SLC39A14: variants seen among roughly 807,000 people sequenced by gnomAD.
The protein encoded by SLC39A14 is metal cation symporter ZIP14.
SLC39A14 carries 19 observed loss-of-function variants against 45.5 expected under a neutral mutation model. The observed-to-expected ratio is 0.42, with a 90% CI of 0.29 to 0.61. SLC39A14 has a LOEUF of 0.61. Ranked by LOEUF, SLC39A14 falls within the 20% of genes least tolerant of loss-of-function variation. The probability of loss-of-function intolerance (pLI) is 0.22; values close to 1 mark genes in which losing one functional copy is unlikely to be tolerated. For missense variants in SLC39A14, 447 were observed against 616.5 expected (o/e 0.73, Z 2.91); for synonymous variants, 264 against 251.3 (o/e 1.05, Z -0.48).
chr8:22,423,106 G>A (rs1046822438), downstream of SLC39A14, among the ~76,000 whole-genome samples: 1 of 151,980 alleles, frequency 6.6e-6, no homozygotes, highest in Non-Finnish European at 1.5e-5. Flanking sequence ...TTACAGGCTT[G>A]AGTCATTGTG....
At chr8:22,411,789 C>G (rs1835584549) in intron 3 of SLC39A14, 1 of 459,872 alleles carries the variant, frequency 2.2e-6, no homozygotes, top group African/African-American at 2.0e-5. Context: ...TTGAATTCCT[C>G]TTTCTTCTGA....
intron 1 of SLC39A14, among the ~76,000 whole-genome samples, chr8:22,387,762 G>A (rs569445713): frequency 6.6e-6 from 1 of 152,298 alleles, no homozygotes; most frequent in African/African-American, 2.4e-5. Context: ...CCCTGGGCCA[G>A]GTTCCTCCTG....
intron 1 of SLC39A14, among the ~76,000 whole-genome samples, chr8:22,392,523 T>C (rs1034840406): frequency 6.6e-6 from 1 of 152,196 alleles, no homozygotes; most frequent in African/African-American, 2.4e-5. Flanking sequence ...CCGCGTTTCC[T>C]AAGCCACATG....
At position 22,404,954 on chromosome 8, in the gene SLC39A14, G is replaced by A. The variant is rs150377639; in HGVS notation, c.244G>A (p.Val82Met). 6.9e-5 allele frequency: 112 copies of A among 1,614,082 alleles called. No homozygotes were observed. The African/African-American group carries it at 1.0e-3, about 15-fold the overall frequency. The change falls in exon 2 of 9, where the codon GTG (valine) becomes ATG (methionine). Residue 82 changes from valine to methionine, a missense_variant. Around this residue, in one of 2 missense-constraint regions of SLC39A14, gnomAD observed 342 missense variants for 428.1 expected, o/e 0.80. Coordinates refer to ENST00000381237, the MANE Select transcript of SLC39A14 (RefSeq NM_001128431.4). ...GVGRGNVTQH[V>M]QGHRNLSTCF... is the part of the protein sequence containing the mutation. ...GGGCCGGGGTAATGTCACCCAGCAC[G>A]TGCAAGGACACAGGAACCTCTCCAC...
chr8:22,381,893 C>T (rs1244261397), intron 1 of SLC39A14, among the ~76,000 whole-genome samples: 2 of 152,260 alleles, frequency 1.3e-5, no homozygotes, highest in Non-Finnish European at 2.9e-5. Flanking sequence ...GTAATCCCCT[C>T]ACTTTGGGAG....
At chr8:22,429,845 C>G (rs191875274) in intron 8 of SLC39A14, among the ~76,000 whole-genome samples, 6 of 152,124 alleles carry the variant, frequency 3.9e-5, no homozygotes, top group Non-Finnish European at 5.9e-5. Context: ...TAAATTAACA[C>G]GGGGGAGTGA....
At chr8:22,425,889 G>GTTTTTTTTTTTTTT (rs549782856), downstream of SLC39A14, among the ~76,000 whole-genome samples, 1 of 76,306 alleles carries the variant, frequency 1.3e-5, no homozygotes, top group Non-Finnish European at 3.1e-5. Flanking sequence ...GATGGTTTTT[G>GTTTTTTTTTTTTTT]TTTTTTTTTT....
At chr8:22,399,013 C>G (rs1462124192) in intron 1 of SLC39A14, among the ~76,000 whole-genome samples, 1 of 152,228 alleles carries the variant, frequency 6.6e-6, no homozygotes, top group Non-Finnish European at 1.5e-5. Flanking sequence ...ACTCCAGCCC[C>G]TCTCCAGCAG....
intron 1 of SLC39A14, among the ~76,000 whole-genome samples, chr8:22,394,846 G>T (rs1456152165): frequency 1.3e-5 from 2 of 152,102 alleles, no homozygotes; most frequent in Admixed American, 1.3e-4. Flanking sequence ...TGTTGGCTGG[G>T]GATCATATTC....
downstream of SLC39A14, among the ~76,000 whole-genome samples, chr8:22,423,312 T>G (rs574213675): frequency 6.6e-6 from 1 of 150,760 alleles, no homozygotes; most frequent in South Asian, 2.1e-4. Flanking sequence ...CCCAGCTAAT[T>G]TTTGAATTTT....
At chr8:22,381,564 C>T (rs1833516632) in intron 1 of SLC39A14, among the ~76,000 whole-genome samples, 1 of 152,224 alleles carries the variant, frequency 6.6e-6, no homozygotes, top group African/African-American at 2.4e-5. Flanking sequence ...GCCATAGCGC[C>T]CGGCCCCTAA....
intron 1 of SLC39A14, among the ~76,000 whole-genome samples, chr8:22,391,859 C>G (rs766692115): frequency 3.3e-5 from 5 of 152,212 alleles, no homozygotes; most frequent in African/African-American, 1.2e-4. Context: ...TGAGCCACCG[C>G]TCCCGGCCAG....
downstream of SLC39A14, among the ~76,000 whole-genome samples, chr8:22,426,710 G>A (rs1316715011): frequency 2.0e-5 from 3 of 151,798 alleles, no homozygotes; most frequent in Non-Finnish European, 4.4e-5. Flanking sequence ...TTGAGATGGA[G>A]TCTCACTCTG....
Position 22,367,912 on chromosome 8 carries a change from T to A in SLC39A14, c.-16+504T>A, listed in dbSNP as rs1832724633. On this transcript the variant is annotated intron_variant, in intron 1 of 8. Transcript: ENST00000381237. This position sits in a 1 kb window ranked among gnomAD's most constrained non-coding sequence, Gnocchi z 4.2. ...CTCCAACCTGGCTTGCCCACGAGGA[T>A]GGCTTTCTGGCTATTTTTGGTCCTT... 6.6e-6 allele frequency among the ~76,000 whole-genome samples: 1 copy of A among 152,144 alleles called. No individual in the cohort carries two copies. The highest frequency in any genetic ancestry group is 1.5e-5 in the Non-Finnish European group (1 of 68,010).
intron 8 of SLC39A14, among the ~76,000 whole-genome samples, chr8:22,433,431 A>C (rs566468711): frequency 6.6e-6 from 1 of 152,006 alleles, no homozygotes; most frequent in Admixed American, 6.5e-5. Flanking sequence ...AAAATAGTGT[A>C]ATATGACCTC....
Position 22,419,912 on chromosome 8 carries a change from C to T in SLC39A14, c.*214C>T. Reference sequence around the variant, plus strand: ...ACCAGTCTCTAGCTAGTGCCTCTTGCCCTCTCCTCACCTCCTTTTCTCTCA... The same window carrying T: ...ACCAGTCTCTAGCTAGTGCCTCTTGTCCTCTCCTCACCTCCTTTTCTCTCA... On this transcript the variant is annotated 3_prime_UTR_variant, in exon 9 of 9. Transcript: ENST00000381237. The T allele has an allele frequency of 7.9e-7, 1 of 1,259,332 alleles. No individual in the cohort carries two copies. Among genetic ancestry groups the T allele is most frequent in the Non-Finnish European group, 1.0e-6 (1 of 1,002,194 alleles). 78.0% of individuals were successfully genotyped at this position (1,259,332 alleles called of 1,614,324 possible).
In SLC39A14 at chr8:22,404,750, C is replaced by T; in HGVS notation, c.40C>T (p.Leu14Phe). 2 of 1,613,810 alleles carry T rather than the reference C, an allele frequency of 1.2e-6. No individual in the cohort carries two copies. The highest frequency in any genetic ancestry group is 1.1e-5 in the South Asian group (1 of 91,088). The change falls in exon 2 of 9, where the codon CTC becomes TTC. Residue 14 changes from leucine (L) to phenylalanine (F), a missense_variant. Transcript: ENST00000381237. ...GCTGCACCCGGCCTTCCAGAGCTGC[C>T]TCCTGCTGACCCTGCTTGGCTTATG... ...LLLHPAFQSCLLLTLLGLWRT... is the reference protein window; with the variant it reads ...LLLHPAFQSCFLLTLLGLWRT...
rs1030563706 is a variant in SLC39A14, at chr8:22,385,330, C to G, written c.-16+17922C>G. On this transcript the variant is annotated intron_variant, in intron 1 of 8. Coordinates refer to ENST00000381237, the MANE Select transcript of SLC39A14 (RefSeq NM_001128431.4). ...AGTGGGTGTTGTTTGGGGATGGACA[C>G]CAGGTACTACCCGGCCCTCCAGTCT... 2.0e-5 allele frequency among the ~76,000 whole-genome samples: 3 copies of G among 152,258 alleles called. No individual in the cohort carries two copies. In the East Asian group the frequency reaches 5.8e-4, roughly 29 times the overall value.
intron 1 of SLC39A14, among the ~76,000 whole-genome samples, chr8:22,373,528 A>G (rs922586031): frequency 1.3e-5 from 2 of 152,074 alleles, no homozygotes; most frequent in Non-Finnish European, 2.9e-5. Context: ...AAATTTCTCA[A>G]AGACTCAAGA....
Sources: allele counts gnomAD v4.1 joint callset (sites outside exome capture counted in the v4.1 genomes callset), GRCh38; gene constraint gnomAD v4.1.1; regional missense constraint gnomAD v4.1.1; non-coding constraint Gnocchi (gnomAD v3.1); transcripts MANE v1.5; gene names NCBI Gene and HGNC (gene_info 2026-07-23, HGNC 2026-07-21).